The following P2RY8 variants were observed in gnomAD, a reference collection of about 807,000 sequenced individuals.
The protein encoded by P2RY8 is P2Y receptor family member 8.
A neutral mutation model predicts 10.0 loss-of-function variants in P2RY8; 6 were observed. That is an observed-to-expected ratio of 0.60 (90% CI 0.33 to 1.19). P2RY8 has a LOEUF of 1.19. Ranked by LOEUF, P2RY8 falls within the 50% of genes most tolerant of loss-of-function variation. The pLI is 0.04. For missense variants in P2RY8, 456 were observed against 542.0 expected (o/e 0.84, Z 1.58); for synonymous variants, 276 against 252.5 (o/e 1.09, Z -0.88).
chrX:1,536,460 C>G (rs1340422520), intron 1 of P2RY8, among the ~76,000 whole-genome samples: 1 of 152,034 alleles, frequency 6.6e-6, no homozygotes, highest in Admixed American at 6.6e-5. Context: ...CGGGGTTTCA[C>G]CGTGTTAGCC....
chrX:1,534,534 G>C (rs1442981905), intron 1 of P2RY8, among the ~76,000 whole-genome samples: 1 of 152,040 alleles, frequency 6.6e-6, no homozygotes, highest in Non-Finnish European at 1.5e-5. Flanking sequence ...GAAGAGCAGG[G>C]TTCCAGGTGG....
chrX:1,521,460 C>T (rs1351644176), intron 1 of P2RY8, among the ~76,000 whole-genome samples: 1 of 152,158 alleles, frequency 6.6e-6, no homozygotes, highest in African/African-American at 2.4e-5. Context: ...TTATGCTCCA[C>T]TTTAATCCGT....
chrX:1,504,560 A>G (rs185298998), intron 1 of P2RY8, among the ~76,000 whole-genome samples: 106 of 152,308 alleles, frequency 7.0e-4, no homozygotes, highest in Middle Eastern at 6.8e-3. Flanking sequence ...TCTGTGGTCA[A>G]AACTGATCAG....
intron 1 of P2RY8, among the ~76,000 whole-genome samples, chrX:1,497,227 AAAAAAAAAAG>A (rs2092125692): frequency 8.6e-6 from 1 of 116,652 alleles, no homozygotes; most frequent in Admixed American, 9.2e-5. Flanking sequence ...GTCTCAAAAA[AAAAAAAAAAG>A]AAAAGAAAAA....
chrX:1,509,002 T>TCACC (rs1556682499), intron 1 of P2RY8, among the ~76,000 whole-genome samples: 1 of 116,506 alleles, frequency 8.6e-6, no homozygotes, highest in Non-Finnish European at 1.8e-5. Context: ...CTGTATGTGT[T>TCACC]CATCCATCCA....
At chrX:1,523,470 C>T (rs2092407541) in intron 1 of P2RY8, among the ~76,000 whole-genome samples, 1 of 152,064 alleles carries the variant, frequency 6.6e-6, no homozygotes, top group Non-Finnish European at 1.5e-5. Context: ...GTAGCGGTAT[C>T]AATACTTTCT....
intron 1 of P2RY8, among the ~76,000 whole-genome samples, chrX:1,481,143 C>A (rs1193523143): frequency 6.6e-6 from 1 of 151,324 alleles, no homozygotes; most frequent in Admixed American, 6.6e-5. Flanking sequence ...ACCCTCTGAC[C>A]TTTAGGTCAC....
chrX:1,464,206 G>A lies in P2RY8; in HGVS notation c.*1273C>T, dbSNP rs1285511195. ...CCAGAATGGTCTTTCTCGCCCAAGA[G>A]AGCCTGGGATCCAATTCCACGTGAT... On this transcript the variant is annotated 3_prime_UTR_variant, in exon 2 of 2. Transcript: ENST00000381297. The A allele has an allele frequency of 8.6e-6, 2 of 233,320 alleles. No homozygotes were observed. Among genetic ancestry groups the A allele is most frequent in the African/African-American group, 2.2e-5 (1 of 45,368 alleles). 14.5% of individuals were successfully genotyped at this position (233,320 alleles called of 1,614,324 possible).
At chrX:1,515,948 G>GT (rs1179688517) in intron 1 of P2RY8, among the ~76,000 whole-genome samples, 1 of 109,876 alleles carries the variant, frequency 9.1e-6, no homozygotes, top group Admixed American at 1.0e-4. Flanking sequence ...CCGAGGGGTC[G>GT]GGGGGTGGTG....
chrX:1,480,372 A>T (rs1454365337), intron 1 of P2RY8, among the ~76,000 whole-genome samples: 1 of 139,258 alleles, frequency 7.2e-6, no homozygotes, highest in Non-Finnish European at 1.5e-5. Context: ...ACCTTGGCTC[A>T]CTGCAGCTTG....
intron 1 of P2RY8, among the ~76,000 whole-genome samples, chrX:1,468,520 G>A (rs1395966533): frequency 2.0e-5 from 3 of 152,168 alleles, no homozygotes; most frequent in Non-Finnish European, 4.4e-5. Flanking sequence ...GATGCCAGCT[G>A]CCCTGACACA....
chrX:1,500,453 T>G (rs1189689727), intron 1 of P2RY8, among the ~76,000 whole-genome samples: 4 of 151,802 alleles, frequency 2.6e-5, no homozygotes, highest in Admixed American at 6.6e-5. Context: ...AATTTTTTTT[T>G]TTGTTTTTTG....
intron 1 of P2RY8, among the ~76,000 whole-genome samples, chrX:1,495,962 C>G: frequency 1.3e-5 from 2 of 151,422 alleles, no homozygotes; most frequent in Non-Finnish European, 1.5e-5. Context: ...GTCGATGTCT[C>G]TAAGTCCACA....
rs1316552678 is a variant in P2RY8 at position 1,509,407 on chromosome X, TC to T, written c.-25+27513del. Among the ~76,000 whole-genome samples the T allele has an allele frequency of 4.0e-4, 57 of 143,132 alleles. 1 individual carries two copies. The East Asian group carries it at 6.2e-3, about 16-fold the overall frequency. 93.9% of individuals were successfully genotyped at this position (143,132 alleles called of 152,430 possible). On this transcript the variant is annotated intron_variant, in intron 1 of 1. Coordinates refer to ENST00000381297, the MANE Select transcript of P2RY8 (RefSeq NM_178129.5). ...ATCTATCTATCTATCTATCTATCTA[TC>T]TATCTATTTCTATTATCTATCTATC...
intron 1 of P2RY8, among the ~76,000 whole-genome samples, chrX:1,482,160 G>T (rs764138021): frequency 3.5e-4 from 52 of 147,072 alleles, no homozygotes; most frequent in African/African-American, 1.1e-3. Context: ...TTGTGTGTGT[G>T]GTGTGTGTGT....
chrX:1,491,923 A>G (rs2092056084), intron 1 of P2RY8, among the ~76,000 whole-genome samples: 1 of 152,232 alleles, frequency 6.6e-6, no homozygotes, highest in Admixed American at 6.5e-5. Context: ...CTGAGAATGC[A>G]GAGTGAATGA....
At position 1,533,892 on chromosome X, in the gene P2RY8, C is replaced by T. The variant is rs183238074; in HGVS notation, c.-25+3029G>A. ...TTATTTATTATTTATATATTATATA[C>T]TTATATATGTATTATTTAAATATAT... On this transcript the variant is annotated intron_variant, in intron 1 of 1. Coordinates refer to ENST00000381297, the MANE Select transcript of P2RY8 (RefSeq NM_178129.5). 1.7e-3 allele frequency among the ~76,000 whole-genome samples: 202 copies of T among 118,782 alleles called. 3 individuals carry two copies. The highest frequency in any genetic ancestry group is 6.5e-3 in the Admixed American group (67 of 10,296). The allele number at this position is 118,782 out of a possible 152,430, so 77.9% of individuals were successfully genotyped here. A position where few individuals can be genotyped will look rare whatever the true frequency, so the allele number is the denominator to read the frequency against.
intron 1 of P2RY8, among the ~76,000 whole-genome samples, chrX:1,466,794 ATTCTT>A (rs1346077955): frequency 7.7e-6 from 1 of 130,704 alleles, no homozygotes; most frequent in Non-Finnish European, 1.6e-5. Context: ...ACCCTGTGTC[ATTCTT>A]TTCTTCTTTC....
intron 1 of P2RY8, 107 bp from the exon 2 acceptor site, chrX:1,466,689 G>A (rs2091683805): frequency 1.8e-6 from 2 of 1,081,326 alleles, no homozygotes; most frequent in South Asian, 1.6e-5. Flanking sequence ...CGGGGGAGAT[G>A]CTTTAGCAGG....
Sources: gnomAD v4.1 joint callset for allele counts (sites outside exome capture counted in the v4.1 genomes callset) on GRCh38, gnomAD v4.1.1 for gene constraint, MANE v1.5 for transcripts, NCBI Gene and HGNC (gene_info 2026-07-23, HGNC 2026-07-21) for gene names.